Variants in TTN observed in about 807,000 individuals in gnomAD.
TTN encodes connectin.
TTN carries 1,525 observed loss-of-function variants against 3,223.0 expected under a neutral mutation model. The observed-to-expected ratio is 0.47, with a 90% confidence interval of 0.45 to 0.49. TTN has a LOEUF of 0.49. Ranked by LOEUF, TTN falls within the 20% of genes least tolerant of loss-of-function variation. The pLI is 0.00. For missense variants in TTN, 40,786 were observed against 43,424.0 expected (o/e 0.94, Z 5.40); for synonymous variants, 14,094 against 15,161.0 (o/e 0.93, Z 5.17).
Position 178,639,730 on chromosome 2 carries a change from T to G in TTN, c.40845A>C (p.Pro13615=), listed in dbSNP as rs2060973146. 1 of 1,611,708 alleles carries G rather than the reference T, an allele frequency of 6.2e-7. No individual in the cohort carries two copies. Among genetic ancestry groups the G allele is most frequent in the Non-Finnish European group, 8.5e-7 (1 of 1,178,682 alleles). Residue 13615 remains proline (P), a synonymous_variant, in exon 223 of 363, where the codon CCA becomes CCC. Coordinates refer to ENST00000589042, the MANE Select transcript of TTN (RefSeq NM_001267550.2). The part of the protein sequence containing the change: ...VEPEPTPIAA[P]VTVPVVGKKA... ...TCTTTCCAACCACTGGCACTGTTAC[T>G]GGGGCAGCGATGGGGGTTGGTTCAG...
chr2:178,592,714 T>G (rs2050489767), intron 300 of TTN, 54 bp from the exon 301 acceptor site: 1 of 1,612,036 alleles, frequency 6.2e-7, no homozygotes, highest in Non-Finnish European at 8.5e-7. Flanking sequence ...AGATTACAAT[T>G]AAACACATAC....
At position 178,539,150 on chromosome 2, in the gene TTN, C is replaced by T. The variant is rs2154139645; in HGVS notation, c.98785G>A (p.Val32929Ile). 6.2e-7 allele frequency: 1 copy of T among 1,613,786 alleles called. No homozygotes were observed. Among genetic ancestry groups the T allele is most frequent in the Non-Finnish European group, 8.5e-7 (1 of 1,179,754 alleles). Residue 32929 changes from valine to isoleucine, a missense_variant, in exon 353 of 363, where the codon GTC becomes ATC. Coordinates refer to ENST00000589042, the MANE Select transcript of TTN (RefSeq NM_001267550.2). ...SRPKDDGGSR[V>I]TGYYIERKET... Reference sequence around the variant, plus strand: ...TTGCGTTCGATGTAGTAGCCTGTGACTCTAGAACCACCATCATCTTTGGGC... The same window carrying T: ...TTGCGTTCGATGTAGTAGCCTGTGATTCTAGAACCACCATCATCTTTGGGC...
chr2:178,544,452 A>G lies in TTN; in HGVS notation c.95777T>C (p.Ile31926Thr). The G allele has an allele frequency of 6.2e-7, 1 of 1,613,542 alleles. No individual in the cohort carries two copies. The highest frequency in any genetic ancestry group is 8.5e-7 in the Non-Finnish European group (1 of 1,179,502). The change falls in exon 345 of 363, where the codon ATT (isoleucine) becomes ACT (threonine). Residue 31926 changes from isoleucine (I) to threonine (T), a missense_variant. By Grantham distance (89) the Ile-to-Thr change is moderately conservative. Coordinates refer to ENST00000589042, the MANE Select transcript of TTN (RefSeq NM_001267550.2). Reference protein sequence around the residue: ...PRVVDTTKHSISLAWTKPMYD... With the variant: ...PRVVDTTKHSTSLAWTKPMYD... ...CATGGGTTTGGTCCATGCCAAACTA[A>G]TGCTGTGTTTGGTGGTATCCACAAC...
At position 178,608,628 on chromosome 2, in the gene TTN, T is replaced by C; in HGVS notation, c.52383A>G (p.Pro17461=). Residue 17461 remains proline (P), a synonymous_variant, in exon 274 of 363, where the codon CCA becomes CCG. Coordinates refer to ENST00000589042, the MANE Select transcript of TTN (RefSeq NM_001267550.2). ...FGPGPPCVSK[P]LVAKDPFGPP... Reference sequence around the variant, plus strand: ...TACCAAATGGATCTTTAGCCACAAGTGGCTTTGAAACACATGGTGGACCTG... The same window carrying C: ...TACCAAATGGATCTTTAGCCACAAGCGGCTTTGAAACACATGGTGGACCTG... The C allele has an allele frequency of 6.2e-7, 1 of 1,611,130 alleles. No homozygotes were observed. Among genetic ancestry groups the C allele is most frequent in the Non-Finnish European group, 8.5e-7 (1 of 1,178,700 alleles).
chr2:178,675,763 A>G lies in TTN; in HGVS notation c.34454-9T>C, dbSNP rs1196693980. The G allele has an allele frequency of 1.3e-6, 2 of 1,482,770 alleles. No homozygotes were observed. Among genetic ancestry groups the G allele is most frequent in the Non-Finnish European group, 1.8e-6 (2 of 1,121,202 alleles). The allele number at this position is 1,482,770 out of a possible 1,614,324, so 91.9% of individuals were successfully genotyped here. On this transcript the variant is annotated splice_polypyrimidine_tract_variant and intron_variant, in intron 148 of 362. Coordinates refer to ENST00000589042, the MANE Select transcript of TTN (RefSeq NM_001267550.2). ...CTTAGGTACCACAGACACTTTAAAA[A>G]TATTATTTTATTTTATAAGTTCAGT...
intron 319 of TTN, 61 bp downstream of exon 319, chr2:178,579,500 C>T (rs761196503): frequency 2.1e-5 from 33 of 1,595,020 alleles, no homozygotes; most frequent in Non-Finnish European, 2.6e-5. Flanking sequence ...GTGAGTGGGA[C>T]ACAAGAGTGC....
chr2:178,783,738 A>G lies in TTN; in HGVS notation c.2823T>C (p.Thr941=), dbSNP rs1396426940. The change falls in exon 17 of 363, where the codon ACT becomes ACC. Residue 941 remains threonine (T), a synonymous_variant. Transcript: ENST00000589042. ...RVPAPVEIPV[T]PPTLVSGLKN... ...TACTCACCGAGACCAAAGTTGGTGGAGTAACAGGAATTTCAACAGGTGCTG... is the reference window on the plus strand; with the variant it reads ...TACTCACCGAGACCAAAGTTGGTGGGGTAACAGGAATTTCAACAGGTGCTG... The G allele has an allele frequency of 1.3e-5, 21 of 1,613,386 alleles. No individual in the cohort carries two copies. The highest frequency in any genetic ancestry group is 1.7e-5 in the Non-Finnish European group (20 of 1,179,754).
chr2:178,764,865 G>A, intron 41 of TTN, 54 bp from the exon 42 acceptor site: 2 of 1,601,524 alleles, frequency 1.2e-6, no homozygotes, highest in Non-Finnish European at 1.7e-6. Flanking sequence ...ACACAAGAGA[G>A]CATGCAAAAC....
chr2:178,561,974 A>T lies in TTN; in HGVS notation c.84158T>A (p.Leu28053His). The change falls in exon 326 of 363, where the codon CTT becomes CAT. Residue 28053 changes from leucine (L) to histidine (H), a missense_variant. Coordinates refer to ENST00000589042, the MANE Select transcript of TTN (RefSeq NM_001267550.2). ...SITVPITIIV[L>H]DRPGPPGPIR... ...AGGACCTGGAGGTCCTGGTCTGTCA[A>T]GGACAATTATAGTAATAGGAACTGT... The T allele has an allele frequency of 6.2e-7, 1 of 1,613,340 alleles. No homozygotes were observed. The highest frequency in any genetic ancestry group is 8.5e-7 in the Non-Finnish European group (1 of 1,179,526).
intron 49 of TTN, chr2:178,737,294 T>TTTTA (rs1159075238): frequency 6.6e-6 from 1 of 152,036 alleles, no homozygotes; most frequent in East Asian, 1.9e-4. Context: ...AGTTGTCTTA[T>TTTTA]TTTCTTTCTT....
At position 178,577,822 on chromosome 2, in the gene TTN, G is replaced by C; in HGVS notation, c.68604C>G (p.Asp22868Glu). The C allele has an allele frequency of 6.2e-7, 1 of 1,611,358 alleles. No individual in the cohort carries two copies. Among genetic ancestry groups the C allele is most frequent in the Non-Finnish European group, 8.5e-7 (1 of 1,178,528 alleles). ...TATATCCAGTTAACTTATGACCACC[G>C]TCATATTTAGGTTCAGTCCAAATGA... ...VTLIWTEPKY[D>E]GGHKLTGYIV... The change falls in exon 323 of 363, where the codon GAC becomes GAG. Residue 22868 changes from aspartate (D) to glutamate (E), a missense_variant. Physicochemically the swap from Asp to Glu is conservative, Grantham distance 45. Transcript: ENST00000589042.
At position 178,792,203 on chromosome 2, in the gene TTN, A is replaced by G. The variant is rs2093542184; in HGVS notation, c.1537-6T>C. 1 of 1,603,076 alleles carries G rather than the reference A, an allele frequency of 6.2e-7. No homozygotes were observed. The highest frequency in any genetic ancestry group is 8.5e-7 in the Non-Finnish European group (1 of 1,177,232). On this transcript the variant is annotated splice_region_variant and splice_polypyrimidine_tract_variant and intron_variant, in intron 9 of 362. Coordinates refer to ENST00000589042, the MANE Select transcript of TTN (RefSeq NM_001267550.2). ...TTTTCAGTTTCTTTTCTTATCTGCAAAGAATGATTTAAGAAAAAACTTTAT... is the reference window on the plus strand; with the variant it reads ...TTTTCAGTTTCTTTTCTTATCTGCAGAGAATGATTTAAGAAAAAACTTTAT...
In TTN at chr2:178,692,472, A is replaced by AT. The variant is rs780212101; in HGVS notation, c.31678+24dup. ...AGATACAAGATGGATGCTAAGAATT[A>AT]TTTTTTTCACAAATATTATTCTACC... On this transcript the variant is annotated intron_variant, in intron 120 of 362. Coordinates refer to ENST00000589042, the MANE Select transcript of TTN (RefSeq NM_001267550.2). 25 of 1,546,274 alleles carry AT rather than the reference A, an allele frequency of 1.6e-5. No homozygotes were observed. In the East Asian group the frequency reaches 2.4e-4, roughly 15 times the overall value.
In TTN at chr2:178,725,967, C is replaced by T. The variant is rs549470227; in HGVS notation, c.20355G>A (p.Ser6785=). The change falls in exon 70 of 363, where the codon TCG becomes TCA. Residue 6785 remains serine (S), a synonymous_variant. Transcript: ENST00000589042. ...NAEVSLECEL[S]GTPPFEVVWY... ...ATACCACCTCAAACGGTGGTGTTCC[C>T]GAAAGTTCACATTCAAGACTGACTT... 107 of 1,611,124 alleles carry T rather than the reference C, an allele frequency of 6.6e-5. No individual in the cohort carries two copies. The Admixed American group carries it at 1.0e-3, about 15-fold the overall frequency.
intron 47 of TTN, chr2:178,748,663 A>C (rs1434191332): frequency 3.7e-6 from 6 of 1,612,954 alleles, no homozygotes; most frequent in Middle Eastern, 3.3e-4. Flanking sequence ...TTTGAGTGTG[A>C]AACTGCTTTA....
intron 3 of TTN, 114 bp downstream of exon 3, chr2:178,802,024 T>G: frequency 7.7e-7 from 1 of 1,302,894 alleles, no homozygotes; most frequent in South Asian, 1.2e-5. Context: ...TAGACCCTTC[T>G]GTAGTTTAAG....
rs774519928 is a variant in TTN at position 178,530,588 on chromosome 2, C to T, written c.106027G>A (p.Glu35343Lys). ...TCAGTGAGGTTATTGATTTTGAGCT[C>T]ATAGGTACCATCTGCTGAATAATGA... The part of the protein sequence containing the change: ...QFHYSADGTY[E>K]LKINNLTESD... Residue 35343 changes from glutamate to lysine, a missense_variant, in exon 358 of 363, where the codon GAG becomes AAG. Physicochemically the swap from Glu to Lys is moderately conservative, Grantham distance 56 (BLOSUM62 1). Transcript: ENST00000589042. 1.9e-6 allele frequency: 3 copies of T among 1,614,018 alleles called. No homozygotes were observed. Among genetic ancestry groups the T allele is most frequent in the Non-Finnish European group, 2.5e-6 (3 of 1,179,900 alleles).
At position 178,611,658 on chromosome 2, in the gene TTN, A is replaced by C; in HGVS notation, c.50571T>G (p.Leu16857=). 1 of 1,612,942 alleles carries C rather than the reference A, an allele frequency of 6.2e-7. No homozygotes were observed. The highest frequency in any genetic ancestry group is 8.5e-7 in the Non-Finnish European group (1 of 1,179,330). ...EDPTSPPSPP[L]DLHVTDAGRK... ...TCCCAGCATCAGTCACATGTAGGTC[A>C]AGGGGTGGTGAGGGAGGACCTGAGA... Residue 16857 remains leucine, a synonymous_variant, in exon 269 of 363, where the codon CTT becomes CTG. Transcript: ENST00000589042.
intron 308 of TTN, among the ~76,000 whole-genome samples, 160 bp downstream of exon 308, chr2:178,586,345 A>G (rs902571476): frequency 3.9e-5 from 6 of 152,086 alleles, no homozygotes; most frequent in African/African-American, 1.4e-4. Context: ...AAGTTTATTT[A>G]CTGTGTGTTT....
Sources: gnomAD v4.1 joint callset for allele counts (sites outside exome capture counted in the v4.1 genomes callset) on GRCh38, gnomAD v4.1.1 for gene constraint, MANE v1.5 for transcripts, NCBI Gene and HGNC (gene_info 2026-07-23, HGNC 2026-07-21) for gene names.